Variants in PCSK5 observed in about 807,000 individuals in gnomAD.
PCSK5 encodes proprotein convertase subtilisin/kexin type 5.
A neutral mutation model predicts 233.2 loss-of-function variants in PCSK5; 129 were observed. The ratio of observed to expected loss-of-function variants is 0.55; its 90% CI spans 0.48 to 0.64. The LOEUF is 0.64. PCSK5 is among the 30% of genes least tolerant of loss of function. The pLI is 0.00. For missense variants in PCSK5, 2,076 were observed against 2,430.1 expected, an observed-to-expected ratio of 0.85 and a Z score of 3.06; for synonymous variants, 825 against 879.2, an observed-to-expected ratio of 0.94 and a Z score of 1.09.
In PCSK5 at chr9:76,129,716, A is replaced by ATTT. The variant is rs10663675; in HGVS notation, c.1209-4388_1209-4386dup. Among the ~76,000 whole-genome samples, 640 of 151,544 alleles carry ATTT rather than the reference A, an allele frequency of 4.2e-3. 18 individuals carry two copies. Among genetic ancestry groups the ATTT allele is most frequent in the Admixed American group, 0.036 (545 of 15,230 alleles). On this transcript the variant is annotated intron_variant, in intron 9 of 37. Coordinates refer to ENST00000674117, the MANE Select transcript of PCSK5 (RefSeq NM_001372043.1). ...ATCTGGGAAAACCCTTTGGTGAAGG[A>ATTT]TTTTTTTCTTTTTTAATTGAAGTGC...
At chr9:75,920,816 A>T (rs886964769) in intron 1 of PCSK5, among the ~76,000 whole-genome samples, 19 of 152,126 alleles carry the variant, frequency 1.2e-4, no homozygotes, top group Middle Eastern at 3.2e-3. Context: ...CAAAAAAATT[A>T]AAAAATAAAA....
Position 76,310,755 on chromosome 9 carries a change from C to A in PCSK5, c.3788C>A (p.Ala1263Asp). 1 of 1,612,296 alleles carries A rather than the reference C, an allele frequency of 6.2e-7. No homozygotes were observed. The highest frequency in any genetic ancestry group is 8.5e-7 in the Non-Finnish European group (1 of 1,179,534). Residue 1263 changes from alanine (A) to aspartate (D), a missense_variant, in exon 30 of 38, where the codon GCC becomes GAC. Around this residue, in one of 6 missense-constraint regions of PCSK5, gnomAD observed 1,510 missense variants for 1,538.1 expected, o/e 0.98. Coordinates refer to ENST00000674117, the MANE Select transcript of PCSK5 (RefSeq NM_001372043.1). The part of the protein sequence containing the change: ...GSCENCTEAC[A>D]ICSGADLCKK... Reference sequence around the variant, plus strand: ...TGCGAGAACTGTACGGAGGCCTGTGCCATCTGCTCTGGAGCCGATCTTTGC... The same window carrying A: ...TGCGAGAACTGTACGGAGGCCTGTGACATCTGCTCTGGAGCCGATCTTTGC...
chr9:76,346,325 T>A (rs1313482420), intron 35 of PCSK5, among the ~76,000 whole-genome samples: 1 of 152,152 alleles, frequency 6.6e-6, no homozygotes, highest in African/African-American at 2.4e-5. Context: ...TGTCTTTAGT[T>A]GGGTTTGAGA....
At chr9:76,084,833 T>C (rs530000456) in intron 7 of PCSK5, among the ~76,000 whole-genome samples, 3 of 152,314 alleles carry the variant, frequency 2.0e-5, no homozygotes, top group South Asian at 2.1e-4. Flanking sequence ...ACTCAGTTGA[T>C]AATATCAACT....
rs1256620990 is a variant in PCSK5, at chr9:76,295,448, A to G, written c.3322+37A>G. On this transcript the variant is annotated intron_variant, in intron 26 of 37. Coordinates refer to ENST00000674117, the MANE Select transcript of PCSK5 (RefSeq NM_001372043.1). ...AATGGCACCATCCAAGCTAAGAACCAGGCACTGGAGCTCCACACAGTCGGG... is the reference window on the plus strand; with the variant it reads ...AATGGCACCATCCAAGCTAAGAACCGGGCACTGGAGCTCCACACAGTCGGG... The G allele has an allele frequency of 1.9e-6, 3 of 1,602,462 alleles. No individual in the cohort carries two copies. The Admixed American group carries it at 5.0e-5, about 27-fold the overall frequency.
intron 3 of PCSK5, among the ~76,000 whole-genome samples, chr9:76,013,119 A>G (rs1827800996): frequency 2.0e-5 from 3 of 152,156 alleles, no homozygotes; most frequent in African/African-American, 7.2e-5. Flanking sequence ...TGAGGTATCC[A>G]TCTTAGTGCC....
At chr9:76,004,453 C>T (rs1827394414) in intron 3 of PCSK5, among the ~76,000 whole-genome samples, 1 of 151,990 alleles carries the variant, frequency 6.6e-6, no homozygotes, top group Non-Finnish European at 1.5e-5. Flanking sequence ...TATGGTTTGT[C>T]TTTGTAATTA....
chr9:76,270,053 T>G (rs1827461007), intron 24 of PCSK5, among the ~76,000 whole-genome samples: 1 of 152,068 alleles, frequency 6.6e-6, no homozygotes, highest in Non-Finnish European at 1.5e-5. Flanking sequence ...TTCTTTAAAG[T>G]GAATCACACA....
At chr9:76,046,437 A>G (rs1829398142) in intron 5 of PCSK5, among the ~76,000 whole-genome samples, 2 of 150,874 alleles carry the variant, frequency 1.3e-5, no homozygotes, top group Non-Finnish European at 1.5e-5. Flanking sequence ...CGGCCTCCCA[A>G]AGTGCTGGGA....
intron 24 of PCSK5, among the ~76,000 whole-genome samples, chr9:76,264,886 C>A (rs1416478064): frequency 6.6e-6 from 1 of 152,040 alleles, no homozygotes; most frequent in East Asian, 1.9e-4. Flanking sequence ...GGTATATACC[C>A]AAATATATCC....
At chr9:75,953,364 A>G (rs1291493019) in intron 2 of PCSK5, among the ~76,000 whole-genome samples, 2 of 152,094 alleles carry the variant, frequency 1.3e-5, no homozygotes, top group East Asian at 3.9e-4. Context: ...CCACCAATAA[A>G]TATTTTATTG....
At chr9:76,038,740 A>C (rs1828969517) in intron 5 of PCSK5, among the ~76,000 whole-genome samples, 1 of 152,226 alleles carries the variant, frequency 6.6e-6, no homozygotes, top group East Asian at 1.9e-4. Flanking sequence ...CCCCAAAGTC[A>C]GGAACAATCT....
intron 1 of PCSK5, among the ~76,000 whole-genome samples, chr9:75,930,831 C>T (rs113013977): frequency 6.6e-6 from 1 of 152,144 alleles, no homozygotes; most frequent in African/African-American, 2.4e-5. Flanking sequence ...GATTATGCAA[C>T]CACTCCTGAA....
At chr9:76,008,481 A>G (rs1827578506) in intron 3 of PCSK5, among the ~76,000 whole-genome samples, 1 of 148,408 alleles carries the variant, frequency 6.7e-6, no homozygotes, top group Admixed American at 6.7e-5. Flanking sequence ...TTTTTTTTTG[A>G]GATGGAGTCT....
At chr9:76,194,825 C>G (rs1412672085) in intron 20 of PCSK5, 2 of 444,692 alleles carry the variant, frequency 4.5e-6, no homozygotes, top group Admixed American at 5.3e-5. Context: ...TTACAAGTGA[C>G]CAGCCATCTT....
intron 10 of PCSK5, among the ~76,000 whole-genome samples, chr9:76,154,542 G>C (rs896699979): frequency 2.6e-5 from 4 of 152,132 alleles, no homozygotes; most frequent in East Asian, 1.9e-4. Flanking sequence ...CCCTGGCCCT[G>C]TCCAAGTCCC....
chr9:76,302,182 A>G lies in PCSK5; in HGVS notation c.3569A>G (p.Gln1190Arg), dbSNP rs751881907. The G allele has an allele frequency of 1.2e-5, 16 of 1,356,554 alleles. No homozygotes were observed. The highest frequency in any genetic ancestry group is 6.0e-5 in the African/African-American group (4 of 66,964). 84.0% of individuals were successfully genotyped at this position (1,356,554 alleles called of 1,614,324 possible). ...ANLSVVKSLL[Q>R]ERRRWKVQIK... ...CTATCTGTGGTGAAGAGCCTGCTGC[A>G]GGAGCGACGAAGGTGGAAAGTTCAA... The change falls in exon 28 of 38, where the codon CAG becomes CGG. Residue 1190 changes from glutamine (Q) to arginine (R), a missense_variant. Gln to Arg is a conservative substitution (Grantham distance 43). Coordinates refer to ENST00000674117, the MANE Select transcript of PCSK5 (RefSeq NM_001372043.1).
chr9:76,101,413 C>G (rs75907242), intron 8 of PCSK5, among the ~76,000 whole-genome samples: 8,887 of 152,236 alleles, frequency 0.058, 285 homozygotes, highest in South Asian at 0.078. Flanking sequence ...TAAAGCTGTT[C>G]ATGTAACCTG....
Position 76,063,870 on chromosome 9 carries a change from C to T in PCSK5, c.633-4085C>T, listed in dbSNP as rs1260929178. Among the ~76,000 whole-genome samples the T allele has an allele frequency of 3.2e-5, 2 of 62,542 alleles. 1 individual carries two copies. The highest frequency in any genetic ancestry group is 5.7e-5 in the Non-Finnish European group (2 of 35,316). The allele number at this position is 62,542 out of a possible 152,430, so 41.0% of individuals were successfully genotyped here. On this transcript the variant is annotated intron_variant, in intron 5 of 37. Coordinates refer to ENST00000674117, the MANE Select transcript of PCSK5 (RefSeq NM_001372043.1). ...CACACCTCCCAGACGGGGTGGTGGCCGGGCAGAGGGGCTCCTCACTTCCCA... is the reference window on the plus strand; with the variant it reads ...CACACCTCCCAGACGGGGTGGTGGCTGGGCAGAGGGGCTCCTCACTTCCCA...
Sources: gnomAD v4.1 joint callset for allele counts (sites outside exome capture counted in the v4.1 genomes callset) on GRCh38, gnomAD v4.1.1 for gene constraint, gnomAD v4.1.1 regional missense constraint, MANE v1.5 for transcripts, NCBI Gene and HGNC (gene_info 2026-07-23, HGNC 2026-07-21) for gene names.